GSTCD: variants seen among roughly 807,000 people sequenced by gnomAD.
GSTCD encodes the protein glutathione S-transferase C-terminal domain containing, also known as glutathione S-transferase C-terminal domain-containing protein.
A neutral mutation model predicts 68.3 loss-of-function variants in GSTCD; 44 were observed. That is an observed-to-expected ratio of 0.64 (90% CI 0.51 to 0.83). The LOEUF (loss-of-function observed/expected upper bound fraction) is 0.83. Among genes scored for constraint, GSTCD ranks in the 40% least tolerant of loss-of-function variants. The pLI, the probability that GSTCD is intolerant of heterozygous loss-of-function variation, is 0.00. For synonymous variants in GSTCD, 273 were observed against 255.2 expected, an observed-to-expected ratio of 1.07 and a Z score of -0.67; for missense variants, 739 against 735.9, an observed-to-expected ratio of 1.00 and a Z score of -0.05.
At chr4:105,831,793 G>C (rs1243512525) in intron 8 of GSTCD, among the ~76,000 whole-genome samples, 1 of 152,078 alleles carries the variant, frequency 6.6e-6, no homozygotes, top group African/African-American at 2.4e-5. Flanking sequence ...AAAATTAGCT[G>C]GGTGTGGTGG....
intron 8 of GSTCD, chr4:105,826,252 G>C (rs571237651): frequency 6.6e-6 from 1 of 152,084 alleles, no homozygotes; most frequent in African/African-American, 2.4e-5. Flanking sequence ...TGTATTTTCA[G>C]GTTCCAAGAG....
intron 1 of GSTCD, among the ~76,000 whole-genome samples, chr4:105,710,447 T>A (rs932689847): frequency 5.4e-5 from 8 of 148,938 alleles, no homozygotes; most frequent in Admixed American, 2.7e-4. Context: ...CAGGCTGGTC[T>A]CAAACTCCTG....
rs541519601 is a variant in GSTCD, at chr4:105,720,957, G to A, written c.894+1430G>A. On this transcript the variant is annotated intron_variant, in intron 3 of 11. Coordinates refer to ENST00000515279, the MANE Select transcript of GSTCD (RefSeq NM_001370181.1). ...TCAAAATATTTTCCTTCGTTCCTTT[G>A]TATTTTTACTGGATTTTTTTTTCTT... is the stretch of plus-strand genomic sequence containing the variant. 6.6e-5 allele frequency among the ~76,000 whole-genome samples: 10 copies of A among 151,532 alleles called. 1 individual carries two copies. The South Asian group carries it at 2.1e-3, about 32-fold the overall frequency.
At chr4:105,741,635 C>T (rs1267506517) in intron 5 of GSTCD, among the ~76,000 whole-genome samples, 1 of 152,180 alleles carries the variant, frequency 6.6e-6, no homozygotes, top group Admixed American at 6.5e-5. Flanking sequence ...ATTACATCAG[C>T]TACCAACTGA....
chr4:105,822,470 A>T (rs1420154380), intron 5 of GSTCD, among the ~76,000 whole-genome samples: 1 of 152,152 alleles, frequency 6.6e-6, no homozygotes, highest in Non-Finnish European at 1.5e-5. Flanking sequence ...AAACAATAAA[A>T]ATATTTTTAC....
At chr4:105,800,818 C>G (rs1224421517) in intron 5 of GSTCD, among the ~76,000 whole-genome samples, 1 of 152,144 alleles carries the variant, frequency 6.6e-6, no homozygotes, top group Admixed American at 6.5e-5. Flanking sequence ...TAGGTTCTTG[C>G]AAGCCTCTGG....
At position 105,719,428 on chromosome 4, in the gene GSTCD, A is replaced by C. The variant is rs1732791827; in HGVS notation, c.795A>C (p.Ala265=). ...TNREPSHIRK[A]KASDLPPLEH... Reference sequence around the variant, plus strand: ...GAGAGCCTTCTCACATCAGAAAAGCAAAAGCCTCCGACCTTCCACCTCTGG... The same window carrying C: ...GAGAGCCTTCTCACATCAGAAAAGCCAAAGCCTCCGACCTTCCACCTCTGG... The change falls in exon 3 of 12, where the codon GCA becomes GCC. Residue 265 remains alanine (A), a synonymous_variant. Coordinates refer to ENST00000515279, the MANE Select transcript of GSTCD (RefSeq NM_001370181.1). 3.7e-6 allele frequency: 6 copies of C among 1,614,094 alleles called. No individual in the cohort carries two copies. The highest frequency in any genetic ancestry group is 5.1e-6 in the Non-Finnish European group (6 of 1,179,976).
intron 8 of GSTCD, among the ~76,000 whole-genome samples, chr4:105,826,385 G>A (rs1322152615): frequency 6.6e-6 from 1 of 151,816 alleles, no homozygotes; most frequent in Admixed American, 6.6e-5. Context: ...ATTATTTTTT[G>A]TAGACTTTGA....
intron 2 of GSTCD, among the ~76,000 whole-genome samples, chr4:105,718,642 A>C (rs1479937989): frequency 1.3e-5 from 2 of 152,208 alleles, no homozygotes; most frequent in East Asian, 3.8e-4. Flanking sequence ...GAAAAATAAG[A>C]ATTTAAGTCT....
intron 3 of GSTCD, among the ~76,000 whole-genome samples, chr4:105,721,835 T>A (rs988227971): frequency 4.6e-5 from 7 of 152,050 alleles, no homozygotes; most frequent in Admixed American, 2.0e-4. Context: ...TAGAAATAGA[T>A]TTAAAAGGAA....
At chr4:105,738,460 C>T (rs1487588873) in intron 5 of GSTCD, among the ~76,000 whole-genome samples, 1 of 152,124 alleles carries the variant, frequency 6.6e-6, no homozygotes, top group African/African-American at 2.4e-5. Flanking sequence ...TACACTGAAT[C>T]TATAGATCAC....
chr4:105,712,996 A>G (rs1018474801), intron 1 of GSTCD, among the ~76,000 whole-genome samples: 1 of 152,172 alleles, frequency 6.6e-6, no homozygotes, highest in South Asian at 2.1e-4. Flanking sequence ...CAGTGCTGTC[A>G]TATTGTGAGT....
At chr4:105,720,951 T>C (rs72671844) in intron 3 of GSTCD, among the ~76,000 whole-genome samples, 8,152 of 152,220 alleles carry the variant, frequency 0.054, 252 homozygotes, top group Middle Eastern at 0.14. Flanking sequence ...TTTCCTTCGT[T>C]CCTTTGTATT....
At chr4:105,832,118 G>A (rs1198348856) in intron 8 of GSTCD, among the ~76,000 whole-genome samples, 6 of 152,084 alleles carry the variant, frequency 3.9e-5, no homozygotes, top group Admixed American at 3.9e-4. Flanking sequence ...TTTCCTATGT[G>A]TGATGAGAGG....
chr4:105,765,238 A>G (rs1411907179), intron 5 of GSTCD, among the ~76,000 whole-genome samples: 1 of 152,224 alleles, frequency 6.6e-6, no homozygotes, highest in Non-Finnish European at 1.5e-5. Flanking sequence ...TCATGAGTTA[A>G]CACCAAAAAT....
intron 5 of GSTCD, among the ~76,000 whole-genome samples, chr4:105,730,547 G>C (rs1733199636): frequency 6.6e-6 from 1 of 152,176 alleles, no homozygotes. Flanking sequence ...CTTCTTTTGA[G>C]AAGTGTCTGT....
chr4:105,775,068 T>C (rs923472898), intron 5 of GSTCD, among the ~76,000 whole-genome samples: 1 of 152,210 alleles, frequency 6.6e-6, no homozygotes, highest in Non-Finnish European at 1.5e-5. Flanking sequence ...TCATTCTTTT[T>C]TCTCTAATCT....
At chr4:105,810,358 G>A (rs560168270) in intron 5 of GSTCD, among the ~76,000 whole-genome samples, 5 of 152,048 alleles carry the variant, frequency 3.3e-5, no homozygotes, top group Admixed American at 6.6e-5. Context: ...TTGTTTGAAC[G>A]AGTGAGGAAA....
chr4:105,811,993 G>T (rs1399452766), intron 5 of GSTCD, among the ~76,000 whole-genome samples: 1 of 152,096 alleles, frequency 6.6e-6, no homozygotes, highest in East Asian at 1.9e-4. Flanking sequence ...TCTCTGGATG[G>T]CACAGGCATA....
Sources: gnomAD v4.1 joint callset for allele counts (sites outside exome capture counted in the v4.1 genomes callset) on GRCh38, gnomAD v4.1.1 for gene constraint, MANE v1.5 for transcripts, NCBI Gene and HGNC (gene_info 2026-07-23, HGNC 2026-07-21) for gene names.